Variants in ATE1 observed in about 807,000 individuals in gnomAD.
ATE1 encodes the protein arginyl-tRNA--protein transferase 1.
Under a neutral mutation model 70.5 loss-of-function variants are expected in ATE1, and 36 were observed. The ratio of observed to expected loss-of-function variants is 0.51; its 90% CI spans 0.39 to 0.67. The LOEUF is 0.67. Ranked by LOEUF, ATE1 falls within the 30% of genes least tolerant of loss-of-function variation. The pLI, the probability that ATE1 is intolerant of heterozygous loss-of-function variation, is 0.00. For synonymous variants in ATE1, 232 were observed against 219.3 expected (o/e 1.06, Z -0.51); for missense variants, 593 against 629.5 (o/e 0.94, Z 0.62).
chr10:121,791,077 T>C (rs1336910309), intron 10 of ATE1, among the ~76,000 whole-genome samples: 1 of 56,320 alleles, frequency 1.8e-5, no homozygotes, highest in African/African-American at 5.2e-5. Flanking sequence ...TGTGTGTGTG[T>C]GTGTGTGTGT....
At chr10:121,800,750 T>C (rs572848524) in intron 10 of ATE1, among the ~76,000 whole-genome samples, 3 of 152,324 alleles carry the variant, frequency 2.0e-5, no homozygotes, top group Non-Finnish European at 4.4e-5. Flanking sequence ...AATAAATCTA[T>C]TGATTGTACT....
chr10:121,831,929 G>T (rs765495721), intron 10 of ATE1, among the ~76,000 whole-genome samples: 20 of 152,114 alleles, frequency 1.3e-4, no homozygotes, highest in Admixed American at 3.9e-4. Context: ...GAATGAAGTG[G>T]CAATAATCTA....
At chr10:121,844,253 T>C (rs538216157) in intron 8 of ATE1, among the ~76,000 whole-genome samples, 3 of 152,228 alleles carry the variant, frequency 2.0e-5, no homozygotes, top group Non-Finnish European at 2.9e-5. Context: ...CAAGACCCTG[T>C]CTTTATTTTT....
At chr10:121,895,398 A>C (rs1950741298) in intron 7 of ATE1, among the ~76,000 whole-genome samples, 1 of 152,168 alleles carries the variant, frequency 6.6e-6, no homozygotes, top group Non-Finnish European at 1.5e-5. Flanking sequence ...TCACGAGGTC[A>C]GGAGTTTGAG....
At chr10:121,802,054 T>C (rs7084074) in intron 10 of ATE1, among the ~76,000 whole-genome samples, 148,004 of 152,250 alleles carry the variant, frequency 0.97, 72,051 homozygotes, top group East Asian at 1. Context: ...CAAATCCCAA[T>C]AGAATCTGTG....
intron 8 of ATE1, among the ~76,000 whole-genome samples, chr10:121,858,508 A>G (rs1949331767): frequency 6.6e-6 from 1 of 151,514 alleles, no homozygotes; most frequent in Non-Finnish European, 1.5e-5. Flanking sequence ...GGTAATTTTA[A>G]AACGTAAATT....
chr10:121,902,321 TA>T, intron 6 of ATE1, 69 bp downstream of exon 6: 1 of 1,374,894 alleles, frequency 7.3e-7, no homozygotes, highest in Non-Finnish European at 1.0e-6. Context: ...GAACTTCAAA[TA>T]AAAATAAACG....
chr10:121,824,294 T>C (rs1590398328), intron 10 of ATE1, among the ~76,000 whole-genome samples: 1 of 152,108 alleles, frequency 6.6e-6, no homozygotes, highest in Admixed American at 6.5e-5. Flanking sequence ...TTCAGTCCAG[T>C]AGTAGCAAAG....
chr10:121,888,388 C>T (rs1377434213), intron 7 of ATE1, among the ~76,000 whole-genome samples: 1 of 151,990 alleles, frequency 6.6e-6, no homozygotes, highest in Non-Finnish European at 1.5e-5. Flanking sequence ...AGCAAGACTC[C>T]ATCTCAAAAA....
intron 10 of ATE1, among the ~76,000 whole-genome samples, chr10:121,806,435 C>A (rs771982226): frequency 6.6e-6 from 1 of 151,990 alleles, no homozygotes; most frequent in Non-Finnish European, 1.5e-5. Context: ...TCTGGGTGAC[C>A]GAGTGAGACC....
chr10:121,775,075 T>G (rs1162346643), intron 11 of ATE1, among the ~76,000 whole-genome samples: 1 of 152,216 alleles, frequency 6.6e-6, no homozygotes. Context: ...AGAGTTATTT[T>G]AAACATACGG....
chr10:121,820,982 C>G (rs565852470), intron 10 of ATE1, among the ~76,000 whole-genome samples: 7 of 152,286 alleles, frequency 4.6e-5, no homozygotes, highest in African/African-American at 1.7e-4. Flanking sequence ...CGTTCTGTCG[C>G]CCAGGCTGGA....
intron 8 of ATE1, among the ~76,000 whole-genome samples, chr10:121,862,318 T>C (rs575082977): frequency 2.6e-5 from 4 of 152,130 alleles, no homozygotes; most frequent in Non-Finnish European, 4.4e-5. Context: ...GACCTTGATA[T>C]CTACAGCTAC....
chr10:121,754,917 T>C (rs1944731860), intron 11 of ATE1, among the ~76,000 whole-genome samples: 1 of 152,228 alleles, frequency 6.6e-6, no homozygotes, highest in Non-Finnish European at 1.5e-5. Context: ...TAGGGTGTTC[T>C]TGCCAAAGCT....
Position 121,821,916 on chromosome 10 carries a change from G to GA in ATE1, c.1257+14801dup, listed in dbSNP as rs1419511895. 2.6e-5 allele frequency among the ~76,000 whole-genome samples: 4 copies of GA among 152,264 alleles called. No homozygotes were observed. In the South Asian group the frequency reaches 8.3e-4, roughly 32 times the overall value. ...ACTCCCTACACACCCATCAGGAAGT[G>GA]AAACAAATGGAGCTTTCATATGCTG... On this transcript the variant is annotated intron_variant, in intron 10 of 11. Coordinates refer to ENST00000224652, the MANE Select transcript of ATE1 (RefSeq NM_001001976.3).
chr10:121,817,884 A>C lies in ATE1; in HGVS notation c.1257+18834T>G, dbSNP rs147140356. ...ACCCTAGGGCACTAACGCAAAGTAAAGAAGGGATTAAAAATAAGATTATCC... is the reference window on the plus strand; with the variant it reads ...ACCCTAGGGCACTAACGCAAAGTAACGAAGGGATTAAAAATAAGATTATCC... On this transcript the variant is annotated intron_variant, in intron 10 of 11. Transcript: ENST00000224652. Among the ~76,000 whole-genome samples the C allele has an allele frequency of 4.6e-5, 7 of 152,334 alleles. No homozygotes were observed. The East Asian group carries it at 1.4e-3, about 29-fold the overall frequency.
At chr10:121,878,171 T>C (rs895304193) in intron 7 of ATE1, among the ~76,000 whole-genome samples, 1 of 152,202 alleles carries the variant, frequency 6.6e-6, no homozygotes, top group African/African-American at 2.4e-5. Context: ...AGAATTAATC[T>C]ACAGTGATAG....
Position 121,786,781 on chromosome 10 carries a change from TA to T in ATE1, c.1378+3387del, listed in dbSNP as rs760397657. 1.3e-4 allele frequency among the ~76,000 whole-genome samples: 20 copies of T among 152,256 alleles called. No homozygotes were observed. In the South Asian group the frequency reaches 2.7e-3, roughly 21 times the overall value. ...AAAAGTAAGAAGTAACACAAAGTAT[TA>T]AGTAAAAATGACAACGTAAGGATGC... On this transcript the variant is annotated intron_variant, in intron 11 of 11. Coordinates refer to ENST00000224652, the MANE Select transcript of ATE1 (RefSeq NM_001001976.3).
intron 7 of ATE1, among the ~76,000 whole-genome samples, chr10:121,878,021 T>A (rs116972377): frequency 0.015 from 2,335 of 152,350 alleles, 39 homozygotes; most frequent in Middle Eastern, 0.041. Context: ...AATTATGCTG[T>A]ATCCACACAA....
Sources: allele counts gnomAD v4.1 joint callset (sites outside exome capture counted in the v4.1 genomes callset), GRCh38; gene constraint gnomAD v4.1.1; transcripts MANE v1.5; gene names NCBI Gene and HGNC (gene_info 2026-07-23, HGNC 2026-07-21).